ARSG: variants seen among roughly 807,000 people sequenced by gnomAD.
ARSG encodes arylsulfatase G.
A neutral mutation model predicts 50.5 loss-of-function variants in ARSG; 37 were observed. That is an observed-to-expected ratio of 0.73 (90% CI 0.56 to 0.96). ARSG has a LOEUF of 0.96. ARSG is among the 50% of genes least tolerant of loss of function. The probability of loss-of-function intolerance (pLI) is 0.00; values close to 1 mark genes in which losing one functional copy is unlikely to be tolerated. For synonymous variants in ARSG, 225 were observed against 254.6 expected, an observed-to-expected ratio of 0.88 and a Z score of 1.11; for missense variants, 629 against 675.3, an observed-to-expected ratio of 0.93 and a Z score of 0.76.
chr17:68,380,732 A>G (rs1040471399), intron 8 of ARSG, among the ~76,000 whole-genome samples: 1 of 152,202 alleles, frequency 6.6e-6, no homozygotes, highest in African/African-American at 2.4e-5. Flanking sequence ...TGGGAGAGTC[A>G]GAGGTTATGC....
At chr17:68,379,474 T>C (rs1336061630) in intron 8 of ARSG, among the ~76,000 whole-genome samples, 1 of 144,748 alleles carries the variant, frequency 6.9e-6, no homozygotes, top group Non-Finnish European at 1.5e-5. Context: ...AGAGGGGTCT[T>C]GCTTGTTGCC....
chr17:68,356,268 T>C (rs1228790128), intron 5 of ARSG, among the ~76,000 whole-genome samples: 1 of 152,170 alleles, frequency 6.6e-6, no homozygotes, highest in African/African-American at 2.4e-5. Context: ...TTGCACGCCA[T>C]ACACAGAGGC....
At chr17:68,451,982 A>G in the ARSG span, among the ~76,000 whole-genome samples, 1 of 152,262 alleles carries the variant, frequency 6.6e-6, no homozygotes, top group Admixed American at 6.5e-5. Context: ...TGTAATAACA[A>G]TAACATCTTA....
At chr17:68,354,761 A>G (rs113304439) in intron 5 of ARSG, among the ~76,000 whole-genome samples, 1 of 152,048 alleles carries the variant, frequency 6.6e-6, no homozygotes, top group Non-Finnish European at 1.5e-5. Context: ...GCACACACCT[A>G]TAGTCTCAGC....
rs998796737 is a variant in ARSG, at chr17:68,307,187, C to T, written c.-307C>T. ...GACATTGATGTCTAATTATTGAACA[C>T]GACCAGTCATTTTACTGAGCTGCGG... On this transcript the variant is annotated 5_prime_UTR_variant, in exon 2 of 12. It adds an upstream start codon to the 5' untranslated region. Transcript: ENST00000621439. The T allele has an allele frequency of 1.5e-5, 5 of 334,014 alleles. No individual in the cohort carries two copies. Among genetic ancestry groups the T allele is most frequent in the East Asian group, 5.9e-5 (1 of 16,952 alleles). 20.7% of individuals were successfully genotyped at this position (334,014 alleles called of 1,614,324 possible). A position where few individuals can be genotyped will look rare whatever the true frequency, so the allele number is the denominator to read the frequency against.
chr17:68,270,781 C>T (rs541141713), intron 1 of ARSG: 120 of 1,424,704 alleles, frequency 8.4e-5, no homozygotes, highest in Non-Finnish European at 1.1e-4. Flanking sequence ...GAACAGGAAG[C>T]TAGCACAATT....
intron 1 of ARSG, among the ~76,000 whole-genome samples, chr17:68,259,836 A>G (rs1364292026): frequency 6.6e-6 from 1 of 152,144 alleles, no homozygotes; most frequent in Non-Finnish European, 1.5e-5. Flanking sequence ...CTAGACCAGT[A>G]CCCAACTCTA....
At chr17:68,282,710 G>A (rs1208643079) in intron 1 of ARSG, among the ~76,000 whole-genome samples, 2 of 149,340 alleles carry the variant, frequency 1.3e-5, no homozygotes, top group African/African-American at 2.5e-5. Flanking sequence ...TTGGGAGGCC[G>A]AGATGGGTGG....
chr17:68,384,263 G>A (rs1231825830), intron 8 of ARSG, among the ~76,000 whole-genome samples: 1 of 152,130 alleles, frequency 6.6e-6, no homozygotes, highest in African/African-American at 2.4e-5. Flanking sequence ...TGGGATGGCC[G>A]TGGTTAATGC....
chr17:68,313,077 T>C (rs1555767296), intron 2 of ARSG, among the ~76,000 whole-genome samples: 2 of 151,864 alleles, frequency 1.3e-5, no homozygotes, highest in Non-Finnish European at 2.9e-5. Context: ...CTGGCTAACG[T>C]GGTGAAACGC....
chr17:68,379,631 C>T (rs564086570), intron 8 of ARSG, among the ~76,000 whole-genome samples: 15 of 152,100 alleles, frequency 9.9e-5, no homozygotes, highest in African/African-American at 3.6e-4. Flanking sequence ...AGAACAGGCA[C>T]TCTACCCAGT....
chr17:68,358,336 C>T (rs547146404), intron 6 of ARSG, among the ~76,000 whole-genome samples: 3 of 152,002 alleles, frequency 2.0e-5, no homozygotes, highest in Non-Finnish European at 4.4e-5. Context: ...CAGGATCGCT[C>T]GAGGCCAGGA....
At chr17:68,425,776 G>A (rs2083128601), downstream of ARSG, 1 of 332,226 alleles carries the variant, frequency 3.0e-6, no homozygotes, top group African/African-American at 2.1e-5. Flanking sequence ...CAAAGTCAGT[G>A]CTACAGAAGC....
At chr17:68,436,202 G>C in the ARSG span, among the ~76,000 whole-genome samples, 1 of 152,202 alleles carries the variant, frequency 6.6e-6, no homozygotes, top group Non-Finnish European at 1.5e-5. Context: ...CTGGCTTATG[G>C]TGAGGTTGAC....
intron 6 of ARSG, among the ~76,000 whole-genome samples, chr17:68,360,520 C>T (rs967409796): frequency 2.0e-5 from 3 of 152,190 alleles, no homozygotes; most frequent in Admixed American, 6.5e-5. Flanking sequence ...CACCCAAGAC[C>T]CTCGACGTAG....
chr17:68,307,412 G>A lies in ARSG; in HGVS notation c.-82G>A. ...TCCCCAGAGACTTCCTGCTTTGAAA[G>A]TGAGCAGAAAGGAAGCTCTCAGAAA... On this transcript the variant is annotated 5_prime_UTR_variant, in exon 2 of 12. It adds an upstream start codon to the 5' untranslated region. Coordinates refer to ENST00000621439, the MANE Select transcript of ARSG (RefSeq NM_001267727.2). The A allele has an allele frequency of 1.8e-6, 2 of 1,111,968 alleles. No homozygotes were observed. Among genetic ancestry groups the A allele is most frequent in the Non-Finnish European group, 2.7e-6 (2 of 750,814 alleles). 68.9% of individuals were successfully genotyped at this position (1,111,968 alleles called of 1,614,324 possible).
intron 2 of ARSG, among the ~76,000 whole-genome samples, chr17:68,321,635 T>C (rs782266191): frequency 6.6e-6 from 1 of 152,210 alleles, no homozygotes; most frequent in Non-Finnish European, 1.5e-5. Context: ...TGCAACGTTA[T>C]GTCTCTCCGG....
upstream of ARSG, among the ~76,000 whole-genome samples, chr17:68,288,853 T>C (rs1460962098): frequency 1.3e-5 from 2 of 152,202 alleles, no homozygotes; most frequent in African/African-American, 4.8e-5. Context: ...CTTCTAGAAC[T>C]TCTATCATCT....
chr17:68,306,324 C>T (rs552959492), intron 1 of ARSG, among the ~76,000 whole-genome samples: 2 of 151,878 alleles, frequency 1.3e-5, no homozygotes, highest in South Asian at 2.1e-4. Context: ...ACCCGGGAGG[C>T]GGAGGTTTCA....
Sources: allele counts gnomAD v4.1 joint callset (sites outside exome capture counted in the v4.1 genomes callset), GRCh38; gene constraint gnomAD v4.1.1; transcripts MANE v1.5; gene names NCBI Gene and HGNC (gene_info 2026-07-23, HGNC 2026-07-21).